ARHGAP31: variants seen among roughly 807,000 people sequenced by gnomAD.
The protein encoded by ARHGAP31 is rho GTPase-activating protein 31.
ARHGAP31 carries 34 observed loss-of-function variants against 113.9 expected under a neutral mutation model. The ratio of observed to expected loss-of-function variants is 0.30; its 90% CI spans 0.23 to 0.40. The LOEUF is 0.40. Among genes scored for constraint, ARHGAP31 ranks in the 10% least tolerant of loss-of-function variants. The pLI, the probability that ARHGAP31 is intolerant of heterozygous loss-of-function variation, is 1.00. For synonymous variants in ARHGAP31, 650 were observed against 684.8 expected, an observed-to-expected ratio of 0.95 and a Z score of 0.79; for missense variants, 1,548 against 1,767.1, an observed-to-expected ratio of 0.88 and a Z score of 2.22.
intron 2 of ARHGAP31, 65 bp downstream of exon 2, chr3:119,365,483 C>T: frequency 3.6e-6 from 5 of 1,401,568 alleles, no homozygotes; most frequent in Non-Finnish European, 5.0e-6. Context: ...TGCCTCTGTC[C>T]ATCGGTGTCC....
At chr3:119,320,117 G>GCTAC (rs1044382326) in intron 1 of ARHGAP31, among the ~76,000 whole-genome samples, 8 of 152,326 alleles carry the variant, frequency 5.3e-5, no homozygotes, top group African/African-American at 1.9e-4. Context: ...ACCAGTTTAT[G>GCTAC]CTACATTCCT....
In ARHGAP31 at chr3:119,404,984, C is replaced by T. The variant is rs1359937861; in HGVS notation, c.1645+2587C>T. Among the ~76,000 whole-genome samples the T allele has an allele frequency of 3.3e-5, 5 of 152,282 alleles. No individual in the cohort carries two copies. In the South Asian group the frequency reaches 1.0e-3, roughly 32 times the overall value. On this transcript the variant is annotated intron_variant, in intron 10 of 11. Coordinates refer to ENST00000264245, the MANE Select transcript of ARHGAP31 (RefSeq NM_020754.4). Reference sequence around the variant, plus strand: ...ATTACAACCGACACTCTCTGCATCCCCTTCTAGAAACGCTTGTTAAGGAAG... The same window carrying T: ...ATTACAACCGACACTCTCTGCATCCTCTTCTAGAAACGCTTGTTAAGGAAG...
chr3:119,375,305 TC>T (rs1313216109), intron 3 of ARHGAP31, among the ~76,000 whole-genome samples: 2 of 152,170 alleles, frequency 1.3e-5, no homozygotes, highest in Admixed American at 1.3e-4. Flanking sequence ...GAAAAGCCGT[TC>T]CTTGCTCCTC....
At chr3:119,324,294 G>C (rs2079820688) in intron 1 of ARHGAP31, among the ~76,000 whole-genome samples, 2 of 152,132 alleles carry the variant, frequency 1.3e-5, no homozygotes, top group African/African-American at 4.8e-5. Flanking sequence ...GAAATGTAGG[G>C]CCATCTATGT....
rs553654270 is a variant in ARHGAP31, at chr3:119,399,038, A to G, written c.1007-161A>G. Reference sequence around the variant, plus strand: ...GGTCTGTCGCATTAAGAAAGTAGGAACATCTAGGGTGGAGTAGAGGAATGT... The same window carrying G: ...GGTCTGTCGCATTAAGAAAGTAGGAGCATCTAGGGTGGAGTAGAGGAATGT... On this transcript the variant is annotated intron_variant, in intron 8 of 11. Transcript: ENST00000264245. Among the ~76,000 whole-genome samples, 7 of 152,312 alleles carry G rather than the reference A, an allele frequency of 4.6e-5. No individual in the cohort carries two copies. The East Asian group carries it at 1.3e-3, about 29-fold the overall frequency.
At chr3:119,309,894 G>A (rs1303838941) in intron 1 of ARHGAP31, among the ~76,000 whole-genome samples, 1 of 151,684 alleles carries the variant, frequency 6.6e-6, no homozygotes, top group Non-Finnish European at 1.5e-5. Flanking sequence ...TTTGAGTTAG[G>A]TAATGCCTGT....
At chr3:119,308,794 C>T (rs1338311176) in intron 1 of ARHGAP31, among the ~76,000 whole-genome samples, 1 of 152,202 alleles carries the variant, frequency 6.6e-6, no homozygotes, top group Non-Finnish European at 1.5e-5. Flanking sequence ...ACCTGATGAC[C>T]TCTGAAGTCT....
rs373163126 is a variant in ARHGAP31 at position 119,393,455 on chromosome 3, T to C, written c.882-12T>C. The C allele has an allele frequency of 1.9e-5, 30 of 1,613,952 alleles. No homozygotes were observed. The highest frequency in any genetic ancestry group is 2.5e-5 in the Non-Finnish European group (30 of 1,179,958). ...GTTAACAAACTAACCCCTTATGCCTTGGTTCTTTTAGGCGAAAGCTCTCCA... is the reference window on the plus strand; with the variant it reads ...GTTAACAAACTAACCCCTTATGCCTCGGTTCTTTTAGGCGAAAGCTCTCCA... On this transcript the variant is annotated splice_polypyrimidine_tract_variant and intron_variant, in intron 7 of 11. Transcript: ENST00000264245.
At chr3:119,366,204 T>C (rs1559981240) in intron 2 of ARHGAP31, among the ~76,000 whole-genome samples, 1 of 151,980 alleles carries the variant, frequency 6.6e-6, no homozygotes, top group Non-Finnish European at 1.5e-5. Flanking sequence ...TAATTTAATG[T>C]TATTTTAATT....
At chr3:119,301,970 C>T (rs2079588390) in intron 1 of ARHGAP31, among the ~76,000 whole-genome samples, 1 of 152,196 alleles carries the variant, frequency 6.6e-6, no homozygotes, top group South Asian at 2.1e-4. Context: ...TTCCTTCAGA[C>T]CAGCCTTGAG....
intron 1 of ARHGAP31, among the ~76,000 whole-genome samples, chr3:119,357,568 G>T (rs2080169151): frequency 6.6e-6 from 1 of 152,104 alleles, no homozygotes; most frequent in Non-Finnish European, 1.5e-5. Context: ...GAACTAAAGA[G>T]AAAACAGAAC....
At chr3:119,355,082 T>C (rs2080143902) in intron 1 of ARHGAP31, among the ~76,000 whole-genome samples, 1 of 152,162 alleles carries the variant, frequency 6.6e-6, no homozygotes. Context: ...TGAACCATGG[T>C]AGGTGTAGCT....
chr3:119,328,674 T>C (rs1463436907), intron 1 of ARHGAP31, among the ~76,000 whole-genome samples: 1 of 151,638 alleles, frequency 6.6e-6, no homozygotes, highest in Non-Finnish European at 1.5e-5. Context: ...AGAGTCTCAC[T>C]GTGTTGCCCA....
chr3:119,361,214 T>C (rs1187210404), intron 1 of ARHGAP31, among the ~76,000 whole-genome samples: 1 of 152,190 alleles, frequency 6.6e-6, no homozygotes, highest in Non-Finnish European at 1.5e-5. Context: ...TAGCAGTACC[T>C]GCATGACCTG....
intron 1 of ARHGAP31, among the ~76,000 whole-genome samples, chr3:119,341,475 T>C (rs775984494): frequency 6.6e-6 from 1 of 152,148 alleles, no homozygotes; most frequent in Non-Finnish European, 1.5e-5. Context: ...ATTTAACAGA[T>C]GGGGAAGCTA....
chr3:119,402,980 C>G (rs1192069571), intron 10 of ARHGAP31, among the ~76,000 whole-genome samples: 3 of 152,212 alleles, frequency 2.0e-5, no homozygotes, highest in African/African-American at 7.2e-5. Context: ...GAGTCCCATG[C>G]CCAGCCTTGG....
At chr3:119,363,844 C>T (rs1026407601) in intron 1 of ARHGAP31, among the ~76,000 whole-genome samples, 4 of 152,146 alleles carry the variant, frequency 2.6e-5, no homozygotes, top group East Asian at 1.9e-4. Flanking sequence ...TGTTAATTCA[C>T]GGAGGTCCCA....
chr3:119,378,351 G>C (rs946347016), intron 3 of ARHGAP31, among the ~76,000 whole-genome samples: 2 of 152,122 alleles, frequency 1.3e-5, no homozygotes, highest in Non-Finnish European at 2.9e-5. Context: ...AGAGGGTTGG[G>C]GTAGGATGGG....
chr3:119,315,048 C>G (rs1451245674), intron 1 of ARHGAP31, among the ~76,000 whole-genome samples: 1 of 152,228 alleles, frequency 6.6e-6, no homozygotes, highest in African/African-American at 2.4e-5. Flanking sequence ...CCATCTGCTA[C>G]CAGCAGAAGT....
Sources: allele counts gnomAD v4.1 joint callset (sites outside exome capture counted in the v4.1 genomes callset), GRCh38; gene constraint gnomAD v4.1.1; transcripts MANE v1.5; gene names NCBI Gene and HGNC (gene_info 2026-07-23, HGNC 2026-07-21).